CDC5L: variants seen among roughly 807,000 people sequenced by gnomAD.
The protein encoded by CDC5L is cell division cycle 5 like, also known as cell division cycle 5-like protein.
A neutral mutation model predicts 104.1 loss-of-function variants in CDC5L; 18 were observed. The observed-to-expected ratio is 0.17, with a 90% CI of 0.12 to 0.26. The LOEUF (loss-of-function observed/expected upper bound fraction) is 0.26. Ranked by LOEUF, CDC5L falls within the 10% of genes least tolerant of loss-of-function variation. The pLI, the probability that CDC5L is intolerant of heterozygous loss-of-function variation, is 1.00. For synonymous variants in CDC5L, 331 were observed against 322.7 expected (o/e 1.03, Z -0.28); for missense variants, 673 against 956.9 (o/e 0.70, Z 3.91).
intron 14 of CDC5L, among the ~76,000 whole-genome samples, chr6:44,441,101 C>G (rs897156274): frequency 2.6e-5 from 4 of 152,222 alleles, no homozygotes; most frequent in African/African-American, 9.6e-5. Context: ...TTCCGTCTAA[C>G]TGAAACTTTG....
intron 8 of CDC5L, among the ~76,000 whole-genome samples, chr6:44,417,831 G>A (rs1791974186): frequency 6.6e-6 from 1 of 152,180 alleles, no homozygotes; most frequent in Non-Finnish European, 1.5e-5. Context: ...TACTAATGAA[G>A]ACTGGATAGA....
intron 2 of CDC5L, among the ~76,000 whole-genome samples, chr6:44,392,298 A>G (rs1244368203): frequency 6.6e-6 from 1 of 152,270 alleles, no homozygotes; most frequent in African/African-American, 2.4e-5. Context: ...TCAAAGCATG[A>G]GAAAATAGTA....
chr6:44,428,763 G>A (rs1234079558), intron 13 of CDC5L, among the ~76,000 whole-genome samples: 5 of 152,176 alleles, frequency 3.3e-5, no homozygotes, highest in African/African-American at 9.7e-5. Flanking sequence ...ACTGGTTTAT[G>A]ATCTATCATC....
At chr6:44,404,976 GAGTC>G (rs1791300650) in intron 6 of CDC5L, among the ~76,000 whole-genome samples, 1 of 152,164 alleles carries the variant, frequency 6.6e-6, no homozygotes, top group Non-Finnish European at 1.5e-5. Flanking sequence ...TTACAGGCAT[GAGTC>G]ACCACTCCTG....
Position 44,387,743 on chromosome 6 carries a change from C to A in CDC5L, c.-81C>A, listed in dbSNP as rs75267063. On this transcript the variant is annotated 5_prime_UTR_variant, in exon 1 of 16. Transcript: ENST00000371477. ...AGGTCGCGCTTGGAGGAAGTGGCGGCTTTGAGTCCGGTGGCCCAATCGCTG... is the reference window on the plus strand; with the variant it reads ...AGGTCGCGCTTGGAGGAAGTGGCGGATTTGAGTCCGGTGGCCCAATCGCTG... 2.3e-6 allele frequency: 3 copies of A among 1,291,202 alleles called. No homozygotes were observed. Among genetic ancestry groups the A allele is most frequent in the South Asian group, 1.3e-5 (1 of 78,558 alleles). The allele number at this position is 1,291,202 out of a possible 1,614,324, so 80.0% of individuals were successfully genotyped here. A position where few individuals can be genotyped will look rare whatever the true frequency, so the allele number is the denominator to read the frequency against.
In CDC5L at chr6:44,423,499, C is replaced by T. The variant is rs376714579; in HGVS notation, c.1404+690C>T. ...AACAGAATAAGCCCTTTGAGTAAAA[C>T]CAGTGTGCTTAGGGTAGTTAAAGAA... is the stretch of plus-strand genomic sequence containing the variant. On this transcript the variant is annotated intron_variant, in intron 10 of 15. Transcript: ENST00000371477. Among the ~76,000 whole-genome samples the T allele has an allele frequency of 3.3e-5, 5 of 152,210 alleles. No homozygotes were observed. In the East Asian group the frequency reaches 5.8e-4, roughly 18 times the overall value.
At chr6:44,436,467 TTGAAA>T (rs1792944072) in intron 14 of CDC5L, among the ~76,000 whole-genome samples, 1 of 152,248 alleles carries the variant, frequency 6.6e-6, no homozygotes, top group Non-Finnish European at 1.5e-5. Context: ...TTTTGGTGTG[TTGAAA>T]TAGTTGACAT....
At chr6:44,406,220 G>A (rs1339049863) in intron 6 of CDC5L, 103 bp from the exon 7 acceptor site, 5 of 883,284 alleles carry the variant, frequency 5.7e-6, no homozygotes, top group Admixed American at 6.0e-5. Context: ...TATTTTCTTA[G>A]AAATGAGGTT....
chr6:44,431,419 T>C (rs1792678886), intron 14 of CDC5L, among the ~76,000 whole-genome samples: 1 of 152,200 alleles, frequency 6.6e-6, no homozygotes, highest in African/African-American at 2.4e-5. Context: ...TCATTTCTTA[T>C]AAATGGTAGT....
intron 8 of CDC5L, among the ~76,000 whole-genome samples, chr6:44,415,382 G>A (rs1367749433): frequency 6.6e-6 from 1 of 152,176 alleles, no homozygotes; most frequent in African/African-American, 2.4e-5. Context: ...TTATATATTT[G>A]TTGGAATTGG....
At chr6:44,421,273 C>T (rs1370656218) in intron 9 of CDC5L, among the ~76,000 whole-genome samples, 1 of 152,134 alleles carries the variant, frequency 6.6e-6, no homozygotes, top group Non-Finnish European at 1.5e-5. Context: ...TTCAGTATTT[C>T]TTTATAACTC....
chr6:44,435,208 A>G (rs929863627), intron 14 of CDC5L, among the ~76,000 whole-genome samples: 1 of 151,684 alleles, frequency 6.6e-6, no homozygotes, highest in Non-Finnish European at 1.5e-5. Flanking sequence ...ATGATTAAAC[A>G]CTAGTTATAT....
At chr6:44,433,375 T>A (rs1792776736) in intron 14 of CDC5L, among the ~76,000 whole-genome samples, 1 of 152,216 alleles carries the variant, frequency 6.6e-6, no homozygotes, top group African/African-American at 2.4e-5. Flanking sequence ...AGTGTTCTAA[T>A]TTGTTTCTAC....
At chr6:44,403,709 T>G in intron 5 of CDC5L, 100 bp from the exon 6 acceptor site, 2 of 815,140 alleles carry the variant, frequency 2.5e-6, no homozygotes, top group Non-Finnish European at 3.8e-6. Context: ...AATAACTATT[T>G]CTTCCCCAAA....
Position 44,422,722 on chromosome 6 carries a change from G to A in CDC5L, c.1317G>A (p.Pro439=), listed in dbSNP as rs778862089. The A allele has an allele frequency of 6.8e-6, 11 of 1,612,714 alleles. No individual in the cohort carries two copies. The highest frequency in any genetic ancestry group is 3.3e-5 in the South Asian group (3 of 91,030). Residue 439 remains proline, a synonymous_variant, in exon 10 of 16, where the codon CCG becomes CCA. Coordinates refer to ENST00000371477, the MANE Select transcript of CDC5L (RefSeq NM_001253.4). ...CCAAACCAGTTATTAACTCTACTCC[G>A]GGTAGAACTCCTCTTCGAGACAAGT... ...TTPKPVINST[P]GRTPLRDKLN...
chr6:44,399,461 C>T (rs1791019082), intron 5 of CDC5L, among the ~76,000 whole-genome samples: 1 of 152,088 alleles, frequency 6.6e-6, no homozygotes, highest in African/African-American at 2.4e-5. Context: ...CCTTTTGGTA[C>T]CCCTGTTCTG....
intron 14 of CDC5L, among the ~76,000 whole-genome samples, chr6:44,443,391 C>T (rs912392974): frequency 6.6e-6 from 1 of 151,556 alleles, no homozygotes; most frequent in African/African-American, 2.4e-5. Flanking sequence ...CTTTCCATTT[C>T]CTTCCCCAGC....
At chr6:44,408,902 C>T (rs1175143241) in intron 8 of CDC5L, among the ~76,000 whole-genome samples, 1 of 152,060 alleles carries the variant, frequency 6.6e-6, no homozygotes. Flanking sequence ...GTCAGTAAAG[C>T]ATAGTTTTGT....
At chr6:44,389,579 T>G (rs1474190542) in intron 1 of CDC5L, among the ~76,000 whole-genome samples, 1 of 152,160 alleles carries the variant, frequency 6.6e-6, no homozygotes, top group Non-Finnish European at 1.5e-5. Flanking sequence ...GGTGAAATGG[T>G]ATCTAGAGAT....
Sources: gnomAD v4.1 joint callset for allele counts (sites outside exome capture counted in the v4.1 genomes callset) on GRCh38, gnomAD v4.1.1 for gene constraint, MANE v1.5 for transcripts, NCBI Gene and HGNC (gene_info 2026-07-23, HGNC 2026-07-21) for gene names.